Variants in ARNT observed in about 807,000 individuals in gnomAD.
ARNT encodes aryl hydrocarbon receptor nuclear translocator.
A neutral mutation model predicts 105.0 loss-of-function variants in ARNT; 30 were observed. The ratio of observed to expected loss-of-function variants is 0.29; its 90% CI spans 0.21 to 0.39. The LOEUF is 0.39. Among genes scored for constraint, ARNT ranks in the 10% least tolerant of loss-of-function variants. The pLI is 1.00. For missense variants in ARNT, 748 were observed against 978.7 expected (o/e 0.76, Z 3.15); for synonymous variants, 304 against 344.0 (o/e 0.88, Z 1.29).
chr1:150,826,798 C>T (rs997575856), intron 12 of ARNT, among the ~76,000 whole-genome samples, 181 bp from the exon 13 acceptor site: 1 of 152,006 alleles, frequency 6.6e-6, no homozygotes, highest in African/African-American at 2.4e-5. Flanking sequence ...GGGTGTGCTA[C>T]CACACCTGGC....
At chr1:150,828,738 G>T (rs1020645711) in intron 12 of ARNT, among the ~76,000 whole-genome samples, 19 of 152,056 alleles carry the variant, frequency 1.2e-4, no homozygotes, top group African/African-American at 4.3e-4. Context: ...TGCTAAATCT[G>T]CATGTTTTAT....
intron 15 of ARNT, 115 bp from the exon 16 acceptor site, chr1:150,817,548 C>T (rs973637720): frequency 1.0e-6 from 1 of 983,802 alleles, no homozygotes; most frequent in African/African-American, 1.6e-5. Flanking sequence ...TGGCTCATGC[C>T]TGTAATCCCA....
intron 2 of ARNT, among the ~76,000 whole-genome samples, chr1:150,853,490 G>A (rs760839935): frequency 2.1e-4 from 32 of 152,146 alleles, no homozygotes; most frequent in South Asian, 4.1e-4. Context: ...GCTCTAAGCC[G>A]TGTTACCAAA....
At chr1:150,831,647 A>C in intron 10 of ARNT, 171 bp downstream of exon 10, 1 of 563,236 alleles carries the variant, frequency 1.8e-6, no homozygotes, top group Non-Finnish European at 3.1e-6. Flanking sequence ...CTCAACTGGA[A>C]TAAAAGCTCA....
intron 17 of ARNT, 26 bp downstream of exon 17, chr1:150,817,056 A>C: frequency 6.2e-7 from 1 of 1,613,826 alleles, no homozygotes; most frequent in Non-Finnish European, 8.5e-7. Context: ...ATGAGAATTT[A>C]AAAGGATAAT....
At chr1:150,825,149 C>T (rs982198524) in intron 13 of ARNT, among the ~76,000 whole-genome samples, 3 of 152,128 alleles carry the variant, frequency 2.0e-5, no homozygotes, top group African/African-American at 7.2e-5. Flanking sequence ...CATGAGCGAC[C>T]ATGCCCAGCC....
chr1:150,811,911 G>A lies in ARNT; in HGVS notation c.*110C>T. On this transcript the variant is annotated 3_prime_UTR_variant, in exon 22 of 22. Coordinates refer to ENST00000358595, the MANE Select transcript of ARNT (RefSeq NM_001668.4). ...AAGGGAAAGGGGGTACATGTCAGGG[G>A]TGAGGGAAGGGAAGGGAGAGGAACT... 1.4e-6 allele frequency: 1 copy of A among 729,340 alleles called. No individual in the cohort carries two copies. The highest frequency in any genetic ancestry group is 2.0e-6 in the Non-Finnish European group (1 of 489,744). The allele number at this position is 729,340 out of a possible 1,614,324, so 45.2% of individuals were successfully genotyped here.
intron 1 of ARNT, among the ~76,000 whole-genome samples, chr1:150,865,497 T>G (rs1368028548): frequency 2.0e-5 from 3 of 152,112 alleles, no homozygotes; most frequent in Admixed American, 6.6e-5. Context: ...GTATGCAGGG[T>G]AGGGTGAATG....
chr1:150,833,812 A>G (rs1471789008), intron 8 of ARNT, among the ~76,000 whole-genome samples: 1 of 152,192 alleles, frequency 6.6e-6, no homozygotes, highest in Non-Finnish European at 1.5e-5. Flanking sequence ...GTCTGAGTAA[A>G]TGGATATTGC....
chr1:150,833,039 T>A (rs1250892761), intron 8 of ARNT, among the ~76,000 whole-genome samples: 5 of 152,218 alleles, frequency 3.3e-5, no homozygotes, highest in Non-Finnish European at 7.3e-5. Context: ...CTAATCTTCA[T>A]AACAACTTTA....
intron 4 of ARNT, 109 bp downstream of exon 4, chr1:150,846,152 CAG>C (rs1662162474): frequency 3.4e-5 from 28 of 831,014 alleles, no homozygotes; most frequent in Middle Eastern, 6.0e-4. Flanking sequence ...AGATATTAAA[CAG>C]AGAAATTCCG....
intron 1 of ARNT, among the ~76,000 whole-genome samples, chr1:150,867,328 A>G (rs1304886921): frequency 2.0e-5 from 3 of 152,072 alleles, no homozygotes; most frequent in African/African-American, 7.2e-5. Flanking sequence ...TCAGCAGTTC[A>G]AGACCAGTCT....
At chr1:150,834,280 G>A (rs1659878483) in intron 8 of ARNT, among the ~76,000 whole-genome samples, 1 of 152,052 alleles carries the variant, frequency 6.6e-6, no homozygotes, top group South Asian at 2.1e-4. Context: ...TCTGCAAAAT[G>A]GTAACCATCA....
At chr1:150,846,146 A>AT in intron 4 of ARNT, 117 bp downstream of exon 4, 1 of 795,370 alleles carries the variant, frequency 1.3e-6, no homozygotes, top group Non-Finnish European at 2.0e-6. Context: ...TAGGAAAGAT[A>AT]TTAAACAGAG....
At chr1:150,858,555 A>T in intron 1 of ARNT, 95 bp from the exon 2 acceptor site, 1 of 967,334 alleles carries the variant, frequency 1.0e-6, no homozygotes, top group Non-Finnish European at 1.6e-6. Flanking sequence ...TTCAAGCTAT[A>T]GACAAAATCT....
chr1:150,872,797 TA>T (rs1187852225), intron 1 of ARNT, among the ~76,000 whole-genome samples: 2 of 151,762 alleles, frequency 1.3e-5, no homozygotes, highest in African/African-American at 4.8e-5. Flanking sequence ...ACCCTGTCTC[TA>T]AAAAAAATTT....
intron 1 of ARNT, among the ~76,000 whole-genome samples, chr1:150,862,041 C>CCCCA (rs1665732989): frequency 6.6e-6 from 1 of 152,166 alleles, no homozygotes; most frequent in African/African-American, 2.4e-5. Context: ...CAAGCCATAA[C>CCCCA]CCCACCATAA....
intron 7 of ARNT, 119 bp from the exon 8 acceptor site, chr1:150,834,759 T>C: frequency 5.0e-6 from 4 of 803,332 alleles, no homozygotes; most frequent in Non-Finnish European, 8.0e-6. Context: ...TCCTTGCTTA[T>C]AACAGAACTG....
intron 21 of ARNT, 43 bp downstream of exon 21, chr1:150,813,129 C>A (rs747257592): frequency 6.3e-7 from 1 of 1,593,170 alleles, no homozygotes; most frequent in Non-Finnish European, 8.6e-7. Flanking sequence ...TGGACCCTTT[C>A]TCTCCCAGCT....
Sources: gnomAD v4.1 joint callset for allele counts (sites outside exome capture counted in the v4.1 genomes callset) on GRCh38, gnomAD v4.1.1 for gene constraint, MANE v1.5 for transcripts, NCBI Gene and HGNC (gene_info 2026-07-23, HGNC 2026-07-21) for gene names.